Variants in CDH18 observed in about 807,000 individuals in gnomAD.
CDH18 encodes cadherin 18.
CDH18 carries 31 observed loss-of-function variants against 67.9 expected under a neutral mutation model. The ratio of observed to expected loss-of-function variants is 0.46; its 90% CI spans 0.34 to 0.62. CDH18 has a LOEUF of 0.62. CDH18 is among the 20% of genes least tolerant of loss of function. The pLI is 0.01. For synonymous variants in CDH18, 362 were observed against 347.2 expected (o/e 1.04, Z -0.48); for missense variants, 890 against 975.5 (o/e 0.91, Z 1.17).
In CDH18 at chr5:19,582,200, T is replaced by A. The variant is rs190305881; in HGVS notation, c.999+8857A>T. Among the ~76,000 whole-genome samples, 29 of 152,068 alleles carry A rather than the reference T, an allele frequency of 1.9e-4. No individual in the cohort carries two copies. In the East Asian group the frequency reaches 5.4e-3, roughly 28 times the overall value. On this transcript the variant is annotated intron_variant, in intron 7 of 12. Transcript: ENST00000382275. ...TGTGTGTATATGTATATCTATGTGT[T>A]TTGTGCATATGTGTGCACGTGTATG...
At chr5:19,544,874 C>G (rs929467517) in intron 8 of CDH18, among the ~76,000 whole-genome samples, 1 of 152,064 alleles carries the variant, frequency 6.6e-6, no homozygotes, top group Non-Finnish European at 1.5e-5. Flanking sequence ...TGCAGATGCA[C>G]GATGGAGTGC....
chr5:20,246,116 A>G (rs1360803637), intron 2 of CDH18, among the ~76,000 whole-genome samples: 1 of 152,194 alleles, frequency 6.6e-6, no homozygotes, highest in East Asian at 1.9e-4. Context: ...CAAAAGTAGT[A>G]GGACCAAACA....
At chr5:20,259,490 A>C (rs761558657) in intron 1 of CDH18, among the ~76,000 whole-genome samples, 20 of 152,142 alleles carry the variant, frequency 1.3e-4, no homozygotes, top group Admixed American at 6.5e-5. Flanking sequence ...ACTTAATGTG[A>C]AGAAAATAAG....
chr5:20,315,567 C>T (rs1179131623), intron 1 of CDH18, among the ~76,000 whole-genome samples: 2 of 152,048 alleles, frequency 1.3e-5, no homozygotes, highest in African/African-American at 2.4e-5. Flanking sequence ...CATCCTTTTT[C>T]GACTTCACCT....
intron 2 of CDH18, among the ~76,000 whole-genome samples, chr5:20,123,702 A>G (rs1056048660): frequency 5.9e-5 from 9 of 152,196 alleles, no homozygotes; most frequent in African/African-American, 2.2e-4. Flanking sequence ...CCTGGCTAAC[A>G]TGGTGAAACC....
chr5:19,693,740 T>A (rs192240268), intron 5 of CDH18, among the ~76,000 whole-genome samples: 1 of 151,840 alleles, frequency 6.6e-6, no homozygotes, highest in Admixed American at 6.6e-5. Flanking sequence ...CTACTAAAGA[T>A]ACAAAAATTA....
At chr5:19,680,801 C>T (rs1006967971) in intron 5 of CDH18, among the ~76,000 whole-genome samples, 5 of 151,904 alleles carry the variant, frequency 3.3e-5, no homozygotes, top group East Asian at 1.9e-4. Context: ...AATGCTTACA[C>T]GCACTGCTGC....
chr5:19,743,639 G>A (rs1769531282), intron 4 of CDH18, among the ~76,000 whole-genome samples: 1 of 152,080 alleles, frequency 6.6e-6, no homozygotes, highest in Non-Finnish European at 1.5e-5. Context: ...AATCAGAGTT[G>A]GCCAGACACA....
At chr5:19,546,920 G>A (rs151100729) in intron 8 of CDH18, among the ~76,000 whole-genome samples, 2 of 152,220 alleles carry the variant, frequency 1.3e-5, no homozygotes, top group Admixed American at 6.5e-5. Context: ...ATAAGTATAT[G>A]TTAATTGAAA....
intron 2 of CDH18, among the ~76,000 whole-genome samples, chr5:20,197,751 C>T (rs891332386): frequency 5.3e-5 from 8 of 152,102 alleles, no homozygotes; most frequent in East Asian, 1.9e-4. Flanking sequence ...AAAGTATAAA[C>T]GGGATAATAA....
chr5:19,512,774 T>G (rs1745320692), intron 10 of CDH18, among the ~76,000 whole-genome samples: 1 of 152,146 alleles, frequency 6.6e-6, no homozygotes, highest in Admixed American at 6.6e-5. Flanking sequence ...CGTCTCTTTT[T>G]AAAATACTAT....
At chr5:20,242,271 T>C (rs1230088435) in intron 2 of CDH18, among the ~76,000 whole-genome samples, 1 of 152,066 alleles carries the variant, frequency 6.6e-6, no homozygotes, top group Non-Finnish European at 1.5e-5. Context: ...CCTAACGTGA[T>C]TATCATTTGG....
intron 10 of CDH18, among the ~76,000 whole-genome samples, chr5:19,508,865 C>CTTTTTTTTTTT (rs35438564): frequency 7.8e-6 from 1 of 127,608 alleles, no homozygotes; most frequent in Non-Finnish European, 1.6e-5. Context: ...TCTTTCTTTT[C>CTTTTTTTTTTT]TTTTTTTTTT....
chr5:19,791,089 G>A (rs909698415), intron 3 of CDH18, among the ~76,000 whole-genome samples: 2 of 152,068 alleles, frequency 1.3e-5, no homozygotes, highest in African/African-American at 4.8e-5. Context: ...TTGCAGCAAA[G>A]CCTCCAAGTA....
intron 1 of CDH18, among the ~76,000 whole-genome samples, chr5:20,300,308 G>A (rs1254288123): frequency 6.3e-4 from 28 of 44,170 alleles, no homozygotes; most frequent in Non-Finnish European, 1.8e-3. Context: ...GTGTGCGTGT[G>A]TGTGTGTGTG....
chr5:19,707,105 A>T (rs1764066103), intron 5 of CDH18, among the ~76,000 whole-genome samples: 1 of 152,160 alleles, frequency 6.6e-6, no homozygotes, highest in African/African-American at 2.4e-5. Context: ...TTTGGGCACC[A>T]TCGAGACATC....
In CDH18 at chr5:20,099,806, C is replaced by T. The variant is rs1289798710; in HGVS notation, c.-517-107792G>A. ...TCCTTTAATTTTTTTCCTTTGGATA[C>T]AGGGTCTCACTCTGTCACCCAGGCT... On this transcript the variant is annotated intron_variant, in intron 2 of 14. Transcript: ENST00000507958. 2.6e-5 allele frequency among the ~76,000 whole-genome samples: 4 copies of T among 152,148 alleles called. No homozygotes were observed. In the East Asian group the frequency reaches 5.8e-4, roughly 22 times the overall value.
At chr5:20,459,038 A>T (rs1402165633) in intron 1 of CDH18, among the ~76,000 whole-genome samples, 2 of 74,818 alleles carry the variant, frequency 2.7e-5, no homozygotes, top group Non-Finnish European at 5.0e-5. Context: ...TGATACACAA[A>T]ACAAAATACT....
At chr5:19,961,256 C>G (rs1428890743) in intron 2 of CDH18, among the ~76,000 whole-genome samples, 1 of 151,764 alleles carries the variant, frequency 6.6e-6, no homozygotes, top group Non-Finnish European at 1.5e-5. Context: ...GCGCACACCA[C>G]AACACCAGCA....
Sources: allele counts gnomAD v4.1 joint callset (sites outside exome capture counted in the v4.1 genomes callset), GRCh38; gene constraint gnomAD v4.1.1; transcripts MANE v1.5; gene names NCBI Gene and HGNC (gene_info 2026-07-23, HGNC 2026-07-21).